The following GIPC2 variants were observed in gnomAD, a reference collection of about 807,000 sequenced individuals.
The protein encoded by GIPC2 is PDZ domain-containing protein GIPC2.
In GIPC2, 30 loss-of-function variants were observed where a neutral mutation model predicts 30.6. The ratio of observed to expected loss-of-function variants is 0.98; its 90% CI spans 0.73 to 1.33. The LOEUF (loss-of-function observed/expected upper bound fraction) is 1.33. Ranked by LOEUF, GIPC2 falls within the 40% of genes most tolerant of loss-of-function variation. The pLI is 0.00. For synonymous variants in GIPC2, 167 were observed against 150.0 expected, an observed-to-expected ratio of 1.11 and a Z score of -0.83; for missense variants, 414 against 390.3, an observed-to-expected ratio of 1.06 and a Z score of -0.51.
At chr1:78,118,027 A>C (rs1323724707) in intron 3 of GIPC2, among the ~76,000 whole-genome samples, 2 of 151,704 alleles carry the variant, frequency 1.3e-5, no homozygotes, top group Middle Eastern at 3.4e-3. Context: ...AGCTCAAGCT[A>C]TCCTCCCATC....
intron 1 of GIPC2, among the ~76,000 whole-genome samples, chr1:78,063,305 A>G (rs562257831): frequency 6.6e-6 from 1 of 151,308 alleles, no homozygotes; most frequent in South Asian, 2.1e-4. Flanking sequence ...CAGCCTGGTC[A>G]ACATGGTGAA....
chr1:78,057,444 T>C (rs189322512), intron 1 of GIPC2, among the ~76,000 whole-genome samples: 26 of 152,330 alleles, frequency 1.7e-4, no homozygotes, highest in Admixed American at 7.8e-4. Flanking sequence ...GAGATTTTGA[T>C]ATAGGCATGC....
intron 1 of GIPC2, among the ~76,000 whole-genome samples, chr1:78,077,764 A>G (rs900425806): frequency 2.0e-5 from 3 of 152,160 alleles, no homozygotes; most frequent in African/African-American, 7.2e-5. Flanking sequence ...CTTCACTGTT[A>G]GTTTTATTGT....
chr1:78,107,052 C>T (rs1662367423), intron 3 of GIPC2, among the ~76,000 whole-genome samples: 1 of 147,264 alleles, frequency 6.8e-6, no homozygotes, highest in Middle Eastern at 3.5e-3. Context: ...CCTTCCCTTC[C>T]TTCCTTCCTT....
intron 3 of GIPC2, among the ~76,000 whole-genome samples, chr1:78,101,741 G>C (rs1662253798): frequency 6.6e-6 from 1 of 152,276 alleles, no homozygotes; most frequent in South Asian, 2.1e-4. Flanking sequence ...TGGAATGTCT[G>C]TAGTGGTATT....
intron 1 of GIPC2, among the ~76,000 whole-genome samples, chr1:78,064,672 T>A (rs909689532): frequency 6.6e-5 from 10 of 151,922 alleles, no homozygotes; most frequent in African/African-American, 2.2e-4. Flanking sequence ...TTTAAAAATG[T>A]TTTTTAGAGA....
intron 2 of GIPC2, among the ~76,000 whole-genome samples, chr1:78,088,395 C>T (rs1661974384): frequency 6.6e-6 from 1 of 152,192 alleles, no homozygotes; most frequent in Non-Finnish European, 1.5e-5. Flanking sequence ...GGTACATATA[C>T]ACCATGGAAT....
At chr1:78,112,499 C>T (rs767174523) in intron 3 of GIPC2, 12 of 518,920 alleles carry the variant, frequency 2.3e-5, no homozygotes, top group Non-Finnish European at 3.8e-5. Context: ...AAATTATGGT[C>T]TCTGCCCAGG....
chr1:78,089,476 G>A (rs887507088), intron 2 of GIPC2, among the ~76,000 whole-genome samples: 30 of 152,258 alleles, frequency 2.0e-4, no homozygotes, highest in Admixed American at 7.2e-4. Context: ...GCAGAAAAAT[G>A]CATTTTATAG....
At chr1:78,117,277 C>G (rs1357160964) in intron 3 of GIPC2, among the ~76,000 whole-genome samples, 2 of 152,174 alleles carry the variant, frequency 1.3e-5, no homozygotes, top group African/African-American at 4.8e-5. Flanking sequence ...TTGCACAGAC[C>G]TCACTGCCTA....
At chr1:78,064,594 CAAT>C (rs959940754) in intron 1 of GIPC2, among the ~76,000 whole-genome samples, 3 of 152,070 alleles carry the variant, frequency 2.0e-5, no homozygotes, top group Non-Finnish European at 2.9e-5. Flanking sequence ...GGATGGGAAA[CAAT>C]AAGAGGGCGA....
At chr1:78,066,301 TC>T (rs1266778972) in intron 1 of GIPC2, among the ~76,000 whole-genome samples, 1 of 152,144 alleles carries the variant, frequency 6.6e-6, no homozygotes, top group Admixed American at 6.5e-5. Flanking sequence ...ACATCACTGA[TC>T]ATTAGAAAAT....
chr1:78,067,950 G>A (rs1224770230), intron 1 of GIPC2, among the ~76,000 whole-genome samples: 1 of 151,974 alleles, frequency 6.6e-6, no homozygotes, highest in African/African-American at 2.4e-5. Flanking sequence ...CTACCTGCAT[G>A]GATTATTTTA....
intron 4 of GIPC2, among the ~76,000 whole-genome samples, chr1:78,123,456 C>T (rs1662722433): frequency 1.3e-5 from 2 of 151,642 alleles, no homozygotes; most frequent in African/African-American, 4.8e-5. Flanking sequence ...GAGGCATAGG[C>T]TGGGGTTAGG....
At position 78,046,383 on chromosome 1, in the gene GIPC2, C is replaced by T. The variant is rs766589686; in HGVS notation, c.240+49C>T. On this transcript the variant is annotated intron_variant, in intron 1 of 5. Transcript: ENST00000370759. ...CTCCCGCCTCTCCGCCGCGCCGCGC[C>T]GCGCCGCGCGTATTTCTGTGGGCCC... The T allele has an allele frequency of 1.7e-5, 25 of 1,481,276 alleles. No individual in the cohort carries two copies. In the African/African-American group the frequency reaches 2.8e-4, roughly 17 times the overall value. The allele number at this position is 1,481,276 out of a possible 1,614,324, so 91.8% of individuals were successfully genotyped here. A position where few individuals can be genotyped will look rare whatever the true frequency, so the allele number is the denominator to read the frequency against.
intron 5 of GIPC2, among the ~76,000 whole-genome samples, chr1:78,132,471 A>C (rs1290329708): frequency 6.6e-6 from 1 of 152,148 alleles, no homozygotes; most frequent in African/African-American, 2.4e-5. Flanking sequence ...AGGTTAGACT[A>C]TGGGCATCTT....
At chr1:78,082,973 T>C (rs1053281069) in intron 2 of GIPC2, among the ~76,000 whole-genome samples, 3 of 152,140 alleles carry the variant, frequency 2.0e-5, no homozygotes, top group Non-Finnish European at 4.4e-5. Flanking sequence ...CTTTACCCCT[T>C]AGTACTTCAG....
intron 1 of GIPC2, among the ~76,000 whole-genome samples, chr1:78,064,131 G>C (rs1481001648): frequency 6.6e-6 from 1 of 152,128 alleles, no homozygotes; most frequent in Non-Finnish European, 1.5e-5. Context: ...TCTTGGTAAG[G>C]CACTGCATAA....
chr1:78,050,630 T>A (rs1266596079), intron 1 of GIPC2, among the ~76,000 whole-genome samples: 1 of 138,386 alleles, frequency 7.2e-6, no homozygotes, highest in Non-Finnish European at 1.6e-5. Context: ...ACATACCATC[T>A]TTTTTTTTTT....
Sources: gnomAD v4.1 joint callset for allele counts (sites outside exome capture counted in the v4.1 genomes callset) on GRCh38, gnomAD v4.1.1 for gene constraint, MANE v1.5 for transcripts, NCBI Gene and HGNC (gene_info 2026-07-23, HGNC 2026-07-21) for gene names.